ITSN1: variants seen among roughly 807,000 people sequenced by gnomAD.
The protein encoded by ITSN1 is intersectin-1.
In ITSN1, 58 loss-of-function variants were observed where a neutral mutation model predicts 239.8. The observed-to-expected ratio is 0.24, with a 90% CI of 0.20 to 0.30. ITSN1 has a LOEUF of 0.30. Among genes scored for constraint, ITSN1 ranks in the 10% least tolerant of loss-of-function variants. The pLI is 1.00. For synonymous variants in ITSN1, 780 were observed against 770.8 expected, an observed-to-expected ratio of 1.01 and a Z score of -0.20; for missense variants, 1,558 against 2,103.3, an observed-to-expected ratio of 0.74 and a Z score of 5.07.
intron 14 of ITSN1, among the ~76,000 whole-genome samples, chr21:33,777,149 A>T (rs1315591198): frequency 6.6e-6 from 1 of 152,210 alleles, no homozygotes; most frequent in South Asian, 2.1e-4. Context: ...ATTTTTGCAG[A>T]TAGTATAAGG....
At chr21:33,663,758 A>G (rs1034149581) in intron 1 of ITSN1, among the ~76,000 whole-genome samples, 5 of 152,088 alleles carry the variant, frequency 3.3e-5, no homozygotes, top group African/African-American at 1.2e-4. Context: ...ATGCATCACC[A>G]CGCCTGGCTA....
In ITSN1 at chr21:33,819,269, G is replaced by C; in HGVS notation, c.2962G>C (p.Ala988Pro). Reference protein sequence around the residue: ...SMDSGSSESPASLKRVASPAA... With the variant: ...SMDSGSSESPPSLKRVASPAA... ...GGATTCTGGTTCTTCAGAGAGTCCT[G>C]CTAGTCTAAAGCGAGTAGCCTCTCC... Residue 988 changes from alanine to proline, a missense_variant, in exon 24 of 40, where the codon GCT becomes CCT. Ala to Pro is a conservative substitution (Grantham distance 27). Transcript: ENST00000381318. 2 of 1,613,904 alleles carry C rather than the reference G, an allele frequency of 1.2e-6. No individual in the cohort carries two copies. Among genetic ancestry groups the C allele is most frequent in the Non-Finnish European group, 1.7e-6 (2 of 1,179,834 alleles).
At chr21:33,671,578 A>G (rs1200149716) in intron 1 of ITSN1, among the ~76,000 whole-genome samples, 1 of 151,926 alleles carries the variant, frequency 6.6e-6, no homozygotes, top group Non-Finnish European at 1.5e-5. Context: ...TTTAAGTTGG[A>G]TGATAATTTA....
At chr21:33,783,719 C>G (rs1337113355) in intron 16 of ITSN1, among the ~76,000 whole-genome samples, 1 of 150,912 alleles carries the variant, frequency 6.6e-6, no homozygotes, top group African/African-American at 2.4e-5. Flanking sequence ...AGCACTGTTG[C>G]AAAGCCTATG....
chr21:33,723,059 G>A (rs969253511), intron 4 of ITSN1, among the ~76,000 whole-genome samples: 43 of 152,152 alleles, frequency 2.8e-4, no homozygotes, highest in Admixed American at 5.2e-4. Context: ...TTGAGAGTTA[G>A]TGCATGGTAA....
chr21:33,869,011 A>G (rs1982246331), intron 33 of ITSN1, among the ~76,000 whole-genome samples: 2 of 151,932 alleles, frequency 1.3e-5, no homozygotes, highest in Non-Finnish European at 2.9e-5. Context: ...TCACAGAAAC[A>G]GTCTGTGGTC....
intron 1 of ITSN1, among the ~76,000 whole-genome samples, chr21:33,683,984 A>AG (rs1474590301): frequency 7.2e-5 from 11 of 152,320 alleles, no homozygotes; most frequent in Middle Eastern, 6.8e-3. Flanking sequence ...AAGAGAGGAA[A>AG]GGGGGAAAAA....
At chr21:33,676,131 T>C (rs991349021) in intron 1 of ITSN1, among the ~76,000 whole-genome samples, 1 of 150,766 alleles carries the variant, frequency 6.6e-6, no homozygotes, top group Non-Finnish European at 1.5e-5. Flanking sequence ...GCCTCCTGGG[T>C]TCAAGCGATT....
chr21:33,855,715 T>G (rs1979197409), intron 29 of ITSN1, among the ~76,000 whole-genome samples: 1 of 152,238 alleles, frequency 6.6e-6, no homozygotes, highest in Non-Finnish European at 1.5e-5. Flanking sequence ...CTCAGGGCAG[T>G]GGAGTGGCCC....
chr21:33,650,558 C>T (rs1054718714), intron 1 of ITSN1, among the ~76,000 whole-genome samples: 5 of 152,158 alleles, frequency 3.3e-5, no homozygotes, highest in African/African-American at 1.2e-4. Flanking sequence ...CATTGTGGAT[C>T]CAGTGTTTCA....
At chr21:33,709,991 T>G (rs574045675) in intron 1 of ITSN1, among the ~76,000 whole-genome samples, 2 of 152,172 alleles carry the variant, frequency 1.3e-5, no homozygotes, top group South Asian at 4.2e-4. Context: ...CCGTTAACTG[T>G]GATGTTAGAT....
At chr21:33,661,289 G>C (rs1179419745) in intron 1 of ITSN1, among the ~76,000 whole-genome samples, 1 of 152,058 alleles carries the variant, frequency 6.6e-6, no homozygotes, top group Non-Finnish European at 1.5e-5. Flanking sequence ...ATTGCACAGT[G>C]ATTTTCTTGG....
At chr21:33,732,506 T>TTA (rs1325947942) in intron 4 of ITSN1, among the ~76,000 whole-genome samples, 1 of 152,188 alleles carries the variant, frequency 6.6e-6, no homozygotes, top group East Asian at 1.9e-4. Flanking sequence ...ATGAACTCTA[T>TTA]TAAACTATTA....
At chr21:33,886,226 AAAG>A in intron 38 of ITSN1, 58 bp from the exon 39 acceptor site, 2 of 1,411,926 alleles carry the variant, frequency 1.4e-6, no homozygotes, top group South Asian at 1.3e-5. Context: ...AAAAAAAAAA[AAAG>A]AGTGGAGATC....
At chr21:33,798,839 GT>G (rs1418860953) in intron 18 of ITSN1, among the ~76,000 whole-genome samples, 1 of 152,172 alleles carries the variant, frequency 6.6e-6, no homozygotes, top group Non-Finnish European at 1.5e-5. Context: ...GACCTACAGA[GT>G]AGCAACCATG....
At chr21:33,722,787 C>A (rs2065579188) in intron 4 of ITSN1, 136 bp downstream of exon 4, 3 of 823,860 alleles carry the variant, frequency 3.6e-6, no homozygotes, top group Non-Finnish European at 5.1e-6. Context: ...CTTGTTACTT[C>A]TTACCAGAGA....
At chr21:33,772,486 A>G (rs188040173) in intron 12 of ITSN1, among the ~76,000 whole-genome samples, 163 bp downstream of exon 12, 2 of 152,238 alleles carry the variant, frequency 1.3e-5, no homozygotes, top group Non-Finnish European at 2.9e-5. Flanking sequence ...GAACATTTTC[A>G]TCACTCCAGC....
chr21:33,749,147 C>T (rs1038388556), intron 5 of ITSN1, among the ~76,000 whole-genome samples: 3 of 151,802 alleles, frequency 2.0e-5, no homozygotes, highest in African/African-American at 7.3e-5. Context: ...TACCACCATG[C>T]CTGGCTAATT....
chr21:33,662,508 G>A (rs1039643184), intron 1 of ITSN1, among the ~76,000 whole-genome samples: 1 of 152,136 alleles, frequency 6.6e-6, no homozygotes, highest in Non-Finnish European at 1.5e-5. Flanking sequence ...GGGGTCTTCT[G>A]TTCTGTCAGA....
Sources: gnomAD v4.1 joint callset for allele counts (sites outside exome capture counted in the v4.1 genomes callset) on GRCh38, gnomAD v4.1.1 for gene constraint, MANE v1.5 for transcripts, NCBI Gene and HGNC (gene_info 2026-07-23, HGNC 2026-07-21) for gene names.